The following CDKN2B variants were observed in gnomAD, a reference collection of about 807,000 sequenced individuals.
CDKN2B encodes the protein cyclin dependent kinase inhibitor 2B.
Under a neutral mutation model 7.7 loss-of-function variants are expected in CDKN2B, and 8 were observed. The observed-to-expected ratio is 1.04, with a 90% CI of 0.61 to 1.87. The LOEUF (loss-of-function observed/expected upper bound fraction) is 1.87. Among genes scored for constraint, CDKN2B ranks in the 40% most tolerant of loss-of-function variants. CDKN2B has a pLI of 0.00. For missense variants in CDKN2B, 244 were observed against 213.1 expected, an observed-to-expected ratio of 1.15 and a Z score of -0.90; for synonymous variants, 93 against 95.8, an observed-to-expected ratio of 0.97 and a Z score of 0.17.
chr9:22,005,844 T>G lies in CDKN2B; in HGVS notation c.*143A>C. 1 of 1,147,512 alleles carries G rather than the reference T, an allele frequency of 8.7e-7. No individual in the cohort carries two copies. Among genetic ancestry groups the G allele is most frequent in the Non-Finnish European group, 1.2e-6 (1 of 801,876 alleles). The allele number at this position is 1,147,512 out of a possible 1,614,324, so 71.1% of individuals were successfully genotyped here. A position where few individuals can be genotyped will look rare whatever the true frequency, so the allele number is the denominator to read the frequency against. On this transcript the variant is annotated 3_prime_UTR_variant, in exon 2 of 2. Transcript: ENST00000276925. The surrounding 1 kb of genome is among the most constrained non-coding windows in gnomAD (Gnocchi z 4.9). The stretch of plus-strand genomic sequence containing the variant: ...TGGAAGGTTATTCCCGGTCGGCTCC[T>G]CCTTCCTGTGAGTCTCAGACAGGCT...
In CDKN2B at chr9:22,004,402, C is replaced by G. The variant is rs914543056; in HGVS notation, c.*1585G>C. The G allele has an allele frequency of 4.3e-6, 1 of 232,026 alleles. No individual in the cohort carries two copies. Among genetic ancestry groups the G allele is most frequent in the Non-Finnish European group, 8.5e-6 (1 of 117,472 alleles). 14.4% of individuals were successfully genotyped at this position (232,026 alleles called of 1,614,324 possible). A position where few individuals can be genotyped will look rare whatever the true frequency, so the allele number is the denominator to read the frequency against. On this transcript the variant is annotated 3_prime_UTR_variant, in exon 2 of 2. Transcript: ENST00000276925. ...ATGTATACACTTTGTGTTTAATTTT[C>G]TATGGCATAAGTAAGCAGTTTTTAT...
At chr9:22,008,664 G>A in intron 1 of CDKN2B, 134 bp downstream of exon 1, 2 of 1,605,908 alleles carry the variant, frequency 1.2e-6, no homozygotes, top group Non-Finnish European at 1.7e-6. Flanking sequence ...TTTTACGCGT[G>A]GAATGCACAC....
chr9:22,006,766 AATTT>A lies in CDKN2B; in HGVS notation c.157-523_157-520del, dbSNP rs1453632650. 2.7e-5 allele frequency among the ~76,000 whole-genome samples: 4 copies of A among 150,854 alleles called. No homozygotes were observed. In the East Asian group the frequency reaches 7.9e-4, roughly 30 times the overall value. On this transcript the variant is annotated intron_variant, in intron 1 of 1. Coordinates refer to ENST00000276925, the MANE Select transcript of CDKN2B (RefSeq NM_004936.4). The surrounding 1 kb of genome is among the most constrained non-coding windows in gnomAD (Gnocchi z 6.4). ...AAGTTTTTTTCTTTCTTTTTTTTTTAATTTATTTAGTTCTCATAGCAAATCCCGT... is the reference window on the plus strand; with the variant it reads ...AAGTTTTTTTCTTTCTTTTTTTTTTAATTTAGTTCTCATAGCAAATCCCGT...
In CDKN2B at chr9:22,005,853, T is replaced by C. The variant is rs531705888; in HGVS notation, c.*134A>G. The C allele has an allele frequency of 2.3e-4, 286 of 1,236,832 alleles. 3 individuals carry two copies. In the South Asian group the frequency reaches 3.6e-3, roughly 15 times the overall value. 76.6% of individuals were successfully genotyped at this position (1,236,832 alleles called of 1,614,324 possible). A position where few individuals can be genotyped will look rare whatever the true frequency, so the allele number is the denominator to read the frequency against. On this transcript the variant is annotated 3_prime_UTR_variant, in exon 2 of 2. Transcript: ENST00000276925. The surrounding 1 kb of genome is among the most constrained non-coding windows in gnomAD (Gnocchi z 4.9). ...ATTCCCGGTCGGCTCCTCCTTCCTG[T>C]GAGTCTCAGACAGGCTTGCAGGCTT...
At chr9:22,008,659 C>T in intron 1 of CDKN2B, 139 bp downstream of exon 1, 1 of 1,604,342 alleles carries the variant, frequency 6.2e-7, no homozygotes, top group Non-Finnish European at 8.5e-7. Flanking sequence ...GCCTGTTTTA[C>T]GCGTGGAATG....
chr9:22,006,025 C>T lies in CDKN2B; in HGVS notation c.379G>A (p.Asp127Asn). 1.9e-6 allele frequency: 3 copies of T among 1,603,902 alleles called. No homozygotes were observed. The highest frequency in any genetic ancestry group is 2.5e-6 in the Non-Finnish European group (3 of 1,179,580). ...VDLAEERGHR[D>N]VAGYLRTATG... is the part of the protein sequence containing the mutation. ...GCTGTGCGCAGGTACCCTGCAACGTCGCGGTGGCCCCGCTCCTCGGCCAAG... is the reference window on the plus strand; with the variant it reads ...GCTGTGCGCAGGTACCCTGCAACGTTGCGGTGGCCCCGCTCCTCGGCCAAG... Residue 127 changes from aspartate (D) to asparagine (N), a missense_variant, in exon 2 of 2, where the codon GAC (aspartate) becomes AAC (asparagine). Asp to Asn is a conservative substitution (Grantham distance 23). Coordinates refer to ENST00000276925, the MANE Select transcript of CDKN2B (RefSeq NM_004936.4). This position sits in a 1 kb window ranked among gnomAD's most constrained non-coding sequence, Gnocchi z 6.4.
At position 22,006,311 on chromosome 9, in the gene CDKN2B, G is replaced by A. The variant is rs967786014; in HGVS notation, c.157-64C>T. ...GCAGGTATGGGAGATGCCGGCCGGG[G>A]CAAGGCAGGTGGAGCCATTTAAAGA... On this transcript the variant is annotated intron_variant, in intron 1 of 1. Transcript: ENST00000276925. This position sits in a 1 kb window ranked among gnomAD's most constrained non-coding sequence, Gnocchi z 6.4. 1.1e-5 allele frequency: 17 copies of A among 1,593,988 alleles called. No individual in the cohort carries two copies. In the African/African-American group the frequency reaches 1.9e-4, roughly 18 times the overall value.
At position 22,005,291 on chromosome 9, in the gene CDKN2B, T is replaced by C. The variant is rs1821116676; in HGVS notation, c.*696A>G. ...TCCTGTGCAAAGGTGCTCTGCAGCG[T>C]CGTGATCCAGGGATTTTAGCATCTG... On this transcript the variant is annotated 3_prime_UTR_variant, in exon 2 of 2. Transcript: ENST00000276925. This position sits in a 1 kb window ranked among gnomAD's most constrained non-coding sequence, Gnocchi z 4.9. 4.2e-6 allele frequency: 1 copy of C among 237,668 alleles called. No homozygotes were observed. Among genetic ancestry groups the C allele is most frequent in the Non-Finnish European group, 8.3e-6 (1 of 120,884 alleles). 14.7% of individuals were successfully genotyped at this position (237,668 alleles called of 1,614,324 possible).
rs544663639 is a variant in CDKN2B at position 22,007,728 on chromosome 9, A to G, written c.156+1070T>C. Among the ~76,000 whole-genome samples, 96 of 152,312 alleles carry G rather than the reference A, an allele frequency of 6.3e-4. 1 individual carries two copies. The highest frequency in any genetic ancestry group is 2.2e-3 in the African/African-American group (91 of 41,582). On this transcript the variant is annotated intron_variant, in intron 1 of 1. Coordinates refer to ENST00000276925, the MANE Select transcript of CDKN2B (RefSeq NM_004936.4). ...GTGATGTAAGGATATTTTACATAGA[A>G]AAAAAGGGGAAAATAGCTGCTGTTA...
chr9:22,007,623 T>C lies in CDKN2B; in HGVS notation c.156+1175A>G, dbSNP rs553996609. Among the ~76,000 whole-genome samples the C allele has an allele frequency of 1.1e-4, 16 of 152,288 alleles. No individual in the cohort carries two copies. The South Asian group carries it at 2.7e-3, about 26-fold the overall frequency. ...ATTTAATTGAAAGGCAGTATACTTC[T>C]CATGTTTTGTTGGCTTGTTTCATTA... On this transcript the variant is annotated intron_variant, in intron 1 of 1. Transcript: ENST00000276925.
At position 22,006,945 on chromosome 9, in the gene CDKN2B, A is replaced by G. The variant is rs1222975624; in HGVS notation, c.157-698T>C. 6.6e-6 allele frequency among the ~76,000 whole-genome samples: 1 copy of G among 152,098 alleles called. No individual in the cohort carries two copies. The highest frequency in any genetic ancestry group is 1.5e-5 in the Non-Finnish European group (1 of 68,038). On this transcript the variant is annotated intron_variant, in intron 1 of 1. Transcript: ENST00000276925. The surrounding 1 kb of genome is among the most constrained non-coding windows in gnomAD (Gnocchi z 6.4). Reference sequence around the variant, plus strand: ...ATAAATGATTTTTCCTTAACAGTTCATCATTTTAAATTTAGACTATAATAT... The same window carrying G: ...ATAAATGATTTTTCCTTAACAGTTCGTCATTTTAAATTTAGACTATAATAT...
chr9:22,004,085 T>C lies in CDKN2B; in HGVS notation c.*1902A>G, dbSNP rs72693621. 8.6e-6 allele frequency: 2 copies of C among 232,612 alleles called. No homozygotes were observed. The highest frequency in any genetic ancestry group is 1.7e-5 in the Non-Finnish European group (2 of 117,664). 14.4% of individuals were successfully genotyped at this position (232,612 alleles called of 1,614,324 possible). ...TTGTCCTCATCTGGGAAACAATACC[T>C]ATCTCTCAGGTTTAAATATTAAATT... is the stretch of plus-strand genomic sequence containing the variant. On this transcript the variant is annotated 3_prime_UTR_variant, in exon 2 of 2. Transcript: ENST00000276925.
At position 22,009,285 on chromosome 9, in the gene CDKN2B, C is replaced by T. The variant is rs953539894; in HGVS notation, c.-332G>A. The T allele has an allele frequency of 3.1e-5, 15 of 483,310 alleles. No individual in the cohort carries two copies. The highest frequency in any genetic ancestry group is 2.5e-4 in the South Asian group (11 of 43,282). The allele number at this position is 483,310 out of a possible 1,614,324, so 29.9% of individuals were successfully genotyped here. On this transcript the variant is annotated 5_prime_UTR_variant, in exon 1 of 2. Transcript: ENST00000276925. Reference sequence around the variant, plus strand: ...GGACGCGTCGCGGAGTCCTCACTGCCCCGCCTCGCTCTGGCAGAGTGGGGA... The same window carrying T: ...GGACGCGTCGCGGAGTCCTCACTGCTCCGCCTCGCTCTGGCAGAGTGGGGA...
At position 22,008,820 on chromosome 9, in the gene CDKN2B, C is replaced by T. The variant is rs1821333323; in HGVS notation, c.134G>A (p.Arg45His). 4.4e-6 allele frequency: 7 copies of T among 1,606,838 alleles called. No individual in the cohort carries two copies. The highest frequency in any genetic ancestry group is 5.9e-6 in the Non-Finnish European group (7 of 1,176,714). ...TACCTGGATCGCGCGCCTCCCGAAACGGTTGACTCCGTTGGGATCCGCGCC... is the reference window on the plus strand; with the variant it reads ...TACCTGGATCGCGCGCCTCCCGAAATGGTTGACTCCGTTGGGATCCGCGCC... Reference protein sequence around the residue: ...EAGADPNGVNRFGRRAIQVMM... With the variant: ...EAGADPNGVNHFGRRAIQVMM... Residue 45 changes from arginine (R) to histidine (H), a missense_variant, in exon 1 of 2, where the codon CGT becomes CAT. Coordinates refer to ENST00000276925, the MANE Select transcript of CDKN2B (RefSeq NM_004936.4).
rs769642333 is a variant in CDKN2B, at chr9:22,008,984, A to T, written c.-31T>A. 1 of 1,613,362 alleles carries T rather than the reference A, an allele frequency of 6.2e-7. No individual in the cohort carries two copies. Among genetic ancestry groups the T allele is most frequent in the South Asian group, 1.1e-5 (1 of 91,084 alleles). On this transcript the variant is annotated 5_prime_UTR_variant, in exon 1 of 2. Coordinates refer to ENST00000276925, the MANE Select transcript of CDKN2B (RefSeq NM_004936.4). ...AGCCCCCAGACGCGCAGCGGCCCGGATAATCCACCGTTGGCCGTAAACTTA... is the reference window on the plus strand; with the variant it reads ...AGCCCCCAGACGCGCAGCGGCCCGGTTAATCCACCGTTGGCCGTAAACTTA...
chr9:22,005,635 C>A lies in CDKN2B; in HGVS notation c.*352G>T. 2.2e-6 allele frequency: 1 copy of A among 458,952 alleles called. No individual in the cohort carries two copies. Among genetic ancestry groups the A allele is most frequent in the Non-Finnish European group, 4.0e-6 (1 of 247,710 alleles). 28.4% of individuals were successfully genotyped at this position (458,952 alleles called of 1,614,324 possible). The stretch of plus-strand genomic sequence containing the variant: ...TCAGCGCTGGAGTGGGAGATTCATC[C>A]ATCGGAAGATTCGTAGCCACCAGGT... On this transcript the variant is annotated 3_prime_UTR_variant, in exon 2 of 2. Transcript: ENST00000276925. This position sits in a 1 kb window ranked among gnomAD's most constrained non-coding sequence, Gnocchi z 4.9.
chr9:22,006,214 G>C lies in CDKN2B; in HGVS notation c.190C>G (p.Leu64Val), dbSNP rs1587382060. The change falls in exon 2 of 2, where the codon CTG (leucine) becomes GTG (valine). Residue 64 changes from leucine (L) to valine (V), a missense_variant. Physicochemically the swap from Leu to Val is conservative, Grantham distance 32. Coordinates refer to ENST00000276925, the MANE Select transcript of CDKN2B (RefSeq NM_004936.4). This position sits in a 1 kb window ranked among gnomAD's most constrained non-coding sequence, Gnocchi z 6.4. ...GGCTCCGCGCCGTGGAGCAGCAGCA[G>C]CTCCGCCACGCGGGCGCTGCCCATC... ...MMMGSARVAE[L>V]LLLHGAEPNC... 7 of 1,607,784 alleles carry C rather than the reference G, an allele frequency of 4.4e-6. No homozygotes were observed. Among genetic ancestry groups the C allele is most frequent in the South Asian group, 1.1e-5 (1 of 91,060 alleles).
rs973788207 is a variant in CDKN2B, at chr9:22,004,157, A to G, written c.*1830T>C. On this transcript the variant is annotated 3_prime_UTR_variant, in exon 2 of 2. Coordinates refer to ENST00000276925, the MANE Select transcript of CDKN2B (RefSeq NM_004936.4). ...ACCTGGTACAGATTATGTGTCAATAAACATATCCTTTCCCCAATAACATAT... is the reference window on the plus strand; with the variant it reads ...ACCTGGTACAGATTATGTGTCAATAGACATATCCTTTCCCCAATAACATAT... 5 of 232,374 alleles carry G rather than the reference A, an allele frequency of 2.2e-5. No homozygotes were observed. Among genetic ancestry groups the G allele is most frequent in the African/African-American group, 1.1e-4 (5 of 45,326 alleles). The allele number at this position is 232,374 out of a possible 1,614,324, so 14.4% of individuals were successfully genotyped here. A position where few individuals can be genotyped will look rare whatever the true frequency, so the allele number is the denominator to read the frequency against.
intron 1 of CDKN2B, among the ~76,000 whole-genome samples, chr9:22,007,491 T>A (rs1345952938): frequency 6.6e-6 from 1 of 152,242 alleles, no homozygotes; most frequent in African/African-American, 2.4e-5. Context: ...ATGAACATTA[T>A]GAAAACATTT....
Sources: allele counts gnomAD v4.1 joint callset (sites outside exome capture counted in the v4.1 genomes callset), GRCh38; gene constraint gnomAD v4.1.1; non-coding constraint Gnocchi (gnomAD v3.1); transcripts MANE v1.5; gene names NCBI Gene and HGNC (gene_info 2026-07-23, HGNC 2026-07-21).